The following BRD10 variants were observed in gnomAD, a reference collection of about 807,000 sequenced individuals.
BRD10 encodes uncharacterized bromodomain-containing protein 10.
chr9:5,920,641 T>A, the BRD10 span: 1 of 1,613,972 alleles, frequency 6.2e-7, no homozygotes, highest in Non-Finnish European at 8.5e-7. Context: ...GGAACTGGAG[T>A]GAAGTCCGAG....
the BRD10 span, among the ~76,000 whole-genome samples, chr9:5,903,107 T>G: frequency 6.6e-6 from 1 of 152,070 alleles, no homozygotes; most frequent in Non-Finnish European, 1.5e-5. Context: ...AAGTGTGTTG[T>G]TTAATCTCCA....
At chr9:6,007,381 C>T in the BRD10 span, 3 of 1,612,410 alleles carry the variant, frequency 1.9e-6, no homozygotes, top group African/African-American at 1.3e-5. Context: ...CAGACACATG[C>T]CCTGTCCGGG....
chr9:5,984,083 C>T, the BRD10 span, among the ~76,000 whole-genome samples: 1 of 151,130 alleles, frequency 6.6e-6, no homozygotes, highest in Non-Finnish European at 1.5e-5. Context: ...TCATTGTTGG[C>T]AGACCTATAT....
At chr9:5,909,225 T>A in the BRD10 span, 2 of 153,150 alleles carry the variant, frequency 1.3e-5, no homozygotes, top group African/African-American at 4.8e-5. Context: ...GCTCTAAAAT[T>A]CTATTATACT....
chr9:6,000,548 A>G, the BRD10 span, among the ~76,000 whole-genome samples: 1 of 152,320 alleles, frequency 6.6e-6, no homozygotes, highest in South Asian at 2.1e-4. Flanking sequence ...AAGGGCACAA[A>G]TATAAGGAGA....
chr9:5,979,284 T>C, the BRD10 span, among the ~76,000 whole-genome samples: 90,956 of 152,064 alleles, frequency 0.6, 28,503 homozygotes, highest in Non-Finnish European at 0.72. Context: ...AAGGCCAAGG[T>C]GGGAGGATGG....
chr9:5,906,953 T>A, the BRD10 span: 1 of 1,600,958 alleles, frequency 6.2e-7, no homozygotes, highest in South Asian at 1.1e-5. Flanking sequence ...GGTTTGATCA[T>A]CGGGACAGCA....
At chr9:5,973,381 C>A in the BRD10 span, among the ~76,000 whole-genome samples, 1 of 152,146 alleles carries the variant, frequency 6.6e-6, no homozygotes, top group Admixed American at 6.6e-5. Flanking sequence ...GCAGGAGAAT[C>A]GCTTGAACCT....
chr9:5,995,743 T>A, the BRD10 span, among the ~76,000 whole-genome samples: 1,073 of 152,284 alleles, frequency 7.0e-3, 39 homozygotes, highest in Admixed American at 0.049. Flanking sequence ...CAGTTTTAGA[T>A]AGATAGGAAA....
chr9:5,930,379 A>G, the BRD10 span, among the ~76,000 whole-genome samples: 1 of 148,440 alleles, frequency 6.7e-6, no homozygotes, highest in Non-Finnish European at 1.5e-5. Context: ...TTATATATAT[A>G]TATATATATA....
At chr9:6,000,808 C>A in the BRD10 span, among the ~76,000 whole-genome samples, 1 of 152,082 alleles carries the variant, frequency 6.6e-6, no homozygotes, top group African/African-American at 2.4e-5. Flanking sequence ...TAATCATAAC[C>A]CTAATCTTTT....
the BRD10 span, chr9:5,914,072 G>A: frequency 6.7e-6 from 3 of 449,956 alleles, no homozygotes; most frequent in East Asian, 2.1e-4. Flanking sequence ...ACTGAAATAA[G>A]AAAAGAAAAT....
the BRD10 span, among the ~76,000 whole-genome samples, chr9:5,989,476 T>C: frequency 5.3e-5 from 8 of 150,490 alleles, no homozygotes; most frequent in Non-Finnish European, 1.0e-4. Context: ...GACCCTATAG[T>C]TATATTTCCC....
chr9:5,923,377 T>C, the BRD10 span: 2 of 1,209,658 alleles, frequency 1.7e-6, no homozygotes, highest in South Asian at 1.5e-5. Flanking sequence ...ACATCAACTG[T>C]AAAAAAGAAA....
chr9:5,948,235 C>T, the BRD10 span, among the ~76,000 whole-genome samples: 1 of 152,124 alleles, frequency 6.6e-6, no homozygotes. Flanking sequence ...ATTAAACTAA[C>T]AGAGGTAAAG....
chr9:5,889,428 T>C, the BRD10 span, among the ~76,000 whole-genome samples: 1 of 152,230 alleles, frequency 6.6e-6, no homozygotes, highest in Admixed American at 6.5e-5. Context: ...GCTACAGGAA[T>C]AAACAAACTT....
chr9:5,919,999 T>G, the BRD10 span: 1 of 1,613,876 alleles, frequency 6.2e-7, no homozygotes, highest in South Asian at 1.1e-5. Flanking sequence ...GTGATACTGT[T>G]GGTACAGGAG....
At chr9:5,929,321 C>G in the BRD10 span, among the ~76,000 whole-genome samples, 2 of 152,104 alleles carry the variant, frequency 1.3e-5, no homozygotes, top group African/African-American at 4.8e-5. Flanking sequence ...AAATTTTATT[C>G]AATATATGTA....
the BRD10 span, among the ~76,000 whole-genome samples, chr9:5,978,480 T>C: frequency 1.3e-5 from 2 of 151,920 alleles, no homozygotes; most frequent in African/African-American, 2.4e-5. Flanking sequence ...TATTTATTTA[T>C]ATTTTCTAAG....
Sources: allele counts gnomAD v4.1 joint callset (sites outside exome capture counted in the v4.1 genomes callset), GRCh38; gene constraint gnomAD v4.1.1; transcripts MANE v1.5; gene names NCBI Gene and HGNC (gene_info 2026-07-23, HGNC 2026-07-21).